Variants in TAF1 observed in about 807,000 individuals in gnomAD.
The protein encoded by TAF1 is transcription initiation factor TFIID subunit 1.
TAF1 carries 2 observed loss-of-function variants against 138.5 expected under a neutral mutation model. That is an observed-to-expected ratio of 0.01 (90% CI 0.01 to 0.05). TAF1 has a LOEUF of 0.05. Ranked by LOEUF, TAF1 falls within the 10% of genes least tolerant of loss-of-function variation. TAF1 has a pLI of 1.00. For synonymous variants in TAF1, 437 were observed against 503.2 expected (o/e 0.87, Z 1.76); for missense variants, 709 against 1,478.0 (o/e 0.48, Z 8.53).
At chrX:71,489,506 G>A (rs923570972) in intron 13 of TAF1, among the ~76,000 whole-genome samples, 5 of 109,791 alleles carry the variant, frequency 4.6e-5, no homozygotes, top group Non-Finnish European at 7.6e-5. Flanking sequence ...GAGAAACCCC[G>A]TCTCTACTGA....
chrX:71,467,411 A>G (rs759500805), downstream of TAF1, among the ~76,000 whole-genome samples: 13 of 111,089 alleles, frequency 1.2e-4, no homozygotes, highest in African/African-American at 3.3e-4. Context: ...CCTGGCTTCC[A>G]ATCCTTTTCT....
At chrX:71,449,957 T>C (rs1161048460) in intron 32 of TAF1, among the ~76,000 whole-genome samples, 1 of 110,617 alleles carries the variant, frequency 9.0e-6, no homozygotes, top group African/African-American at 3.3e-5. Context: ...GTTATTTGTA[T>C]AGACAGAGTT....
At chrX:71,516,046 A>T (rs2039818093) in intron 13 of TAF1, among the ~76,000 whole-genome samples, 1 of 108,902 alleles carries the variant, frequency 9.2e-6, no homozygotes, top group Admixed American at 1.0e-4. Context: ...AGTTTTTTTA[A>T]AATTTATTTT....
intron 28 of TAF1, among the ~76,000 whole-genome samples, chrX:71,417,523 G>GTTTTTGTATT (rs1165845502): frequency 9.1e-6 from 1 of 109,363 alleles, no homozygotes; most frequent in Non-Finnish European, 1.9e-5. Context: ...CACCCAGCTA[G>GTTTTTGTATT]TTTTTGTATT....
chrX:71,524,019 CTTT>C (rs397895424), intron 13 of TAF1, among the ~76,000 whole-genome samples: 1 of 76,374 alleles, frequency 1.3e-5, no homozygotes, highest in Non-Finnish European at 2.6e-5. Flanking sequence ...TGTAATAGTT[CTTT>C]TTTTTTTTTT....
At chrX:71,399,541 C>T (rs1378105063) in intron 24 of TAF1, among the ~76,000 whole-genome samples, 1 of 102,707 alleles carries the variant, frequency 9.7e-6, no homozygotes, top group Admixed American at 1.1e-4. Flanking sequence ...CAGGCATAAG[C>T]CACCACGCCT....
rs761639259 is a variant in TAF1, at chrX:71,406,469, G to T, written c.3999-169G>T. Reference sequence around the variant, plus strand: ...TTTATTAACTTGGAGAGCCTATGAGGGCTTGCCTGATCTGAACCTTAGAAG... The same window carrying T: ...TTTATTAACTTGGAGAGCCTATGAGTGCTTGCCTGATCTGAACCTTAGAAG... On this transcript the variant is annotated intron_variant, in intron 25 of 37. Coordinates refer to ENST00000423759, the MANE Select transcript of TAF1 (RefSeq NM_004606.5). Among the ~76,000 whole-genome samples the T allele has an allele frequency of 3.2e-4, 35 of 110,686 alleles. No homozygotes were observed. The Admixed American group carries it at 3.2e-3, about 10-fold the overall frequency.
In TAF1 at chrX:71,483,803, T is replaced by TATATATATAC. The variant is rs1290090578; in HGVS notation, c.1366+23001_1366+23002insTATATATACA. ...CTCTATATATATATATATATATATA[T>TATATATATAC]ACACACACATCCCTCATTATTTTTT... On this transcript the variant is annotated intron_variant and NMD_transcript_variant, in intron 13 of 14. Transcript: ENST00000373775. Among the ~76,000 whole-genome samples the TATATATATAC allele has an allele frequency of 5.4e-3, 499 of 92,698 alleles. 6 individuals carry two copies. The highest frequency in any genetic ancestry group is 0.018 in the African/African-American group (411 of 23,240). The allele number at this position is 92,698 out of a possible 115,157, so 80.5% of individuals were successfully genotyped here.
At chrX:71,520,068 C>T in intron 13 of TAF1, among the ~76,000 whole-genome samples, 1 of 110,184 alleles carries the variant, frequency 9.1e-6, no homozygotes, top group Non-Finnish European at 1.9e-5. Flanking sequence ...CCCACCTCGG[C>T]CTCCCAAAGT....
At chrX:71,376,666 C>CAA (rs112839503) in intron 4 of TAF1, among the ~76,000 whole-genome samples, 2 of 77,269 alleles carry the variant, frequency 2.6e-5, no homozygotes, top group African/African-American at 4.5e-5. Context: ...GACTCTGTCT[C>CAA]AAAAAAAAAA....
intron 6 of TAF1, 37 bp downstream of exon 6, chrX:71,377,858 G>C (rs1331428166): frequency 8.8e-7 from 1 of 1,137,593 alleles, no homozygotes; most frequent in Non-Finnish European, 1.2e-6. Context: ...AGGCCTATGA[G>C]AGGAACAAAT....
chrX:71,504,181 C>T (rs193293585), intron 13 of TAF1, among the ~76,000 whole-genome samples: 4 of 110,321 alleles, frequency 3.6e-5, no homozygotes, highest in East Asian at 5.7e-4. Flanking sequence ...ATTTCAGACT[C>T]GGATTTCACC....
At chrX:71,506,459 C>T (rs964838344) in intron 13 of TAF1, among the ~76,000 whole-genome samples, 19 of 106,628 alleles carry the variant, frequency 1.8e-4, no homozygotes, top group Non-Finnish European at 5.8e-5. Flanking sequence ...CCGACATGGG[C>T]GGATCATGAG....
At chrX:71,424,384 T>C (rs1412695322) in intron 32 of TAF1, 146 bp downstream of exon 32, 1 of 334,109 alleles carries the variant, frequency 3.0e-6, no homozygotes, top group Non-Finnish European at 5.0e-6. Context: ...CATAGTTCAC[T>C]GAACCAGGCA....
chrX:71,407,562 A>G lies in TAF1; in HGVS notation c.4108-12A>G. On this transcript the variant is annotated splice_polypyrimidine_tract_variant and intron_variant, in intron 26 of 37. Transcript: ENST00000423759. ...GTCTGAGGAAGCATTCTGATTTCAC[A>G]TTTCTCCTTAGAGACCTCATAAGTC... 1 of 1,206,745 alleles carries G rather than the reference A, an allele frequency of 8.3e-7. No individual in the cohort carries two copies. The highest frequency in any genetic ancestry group is 1.1e-6 in the Non-Finnish European group (1 of 891,783).
chrX:71,376,937 T>C lies in TAF1; in HGVS notation c.473-13T>C. On this transcript the variant is annotated splice_polypyrimidine_tract_variant and intron_variant, in intron 4 of 37. Transcript: ENST00000423759. ...CAGTTACATGCCAAAGGGGTTTCTCTTCCTTGTTGCAGTGTCTGAAAATGG... is the reference window on the plus strand; with the variant it reads ...CAGTTACATGCCAAAGGGGTTTCTCCTCCTTGTTGCAGTGTCTGAAAATGG... 8.3e-7 allele frequency: 1 copy of C among 1,209,486 alleles called. No homozygotes were observed. Among genetic ancestry groups the C allele is most frequent in the Non-Finnish European group, 1.1e-6 (1 of 894,342 alleles).
intron 37 of TAF1, among the ~76,000 whole-genome samples, chrX:71,462,306 G>A (rs921082417): frequency 9.4e-6 from 1 of 106,469 alleles, no homozygotes; most frequent in African/African-American, 3.3e-5. Flanking sequence ...AGCCGGGCGC[G>A]GTGGCTCATG....
At chrX:71,393,027 TA>T in intron 20 of TAF1, 33 bp downstream of exon 20, 2 of 1,205,456 alleles carry the variant, frequency 1.7e-6, no homozygotes, top group Non-Finnish European at 2.2e-6. Flanking sequence ...TAGAGTATAC[TA>T]GGGGCTTTGT....
chrX:71,482,592 C>G (rs779859603), intron 13 of TAF1, among the ~76,000 whole-genome samples: 1 of 112,257 alleles, frequency 8.9e-6, no homozygotes, highest in Non-Finnish European at 1.9e-5. Context: ...AATACTTTAT[C>G]GCTAAAAAAA....
Sources: allele counts gnomAD v4.1 joint callset (sites outside exome capture counted in the v4.1 genomes callset), GRCh38; gene constraint gnomAD v4.1.1; transcripts MANE v1.5; gene names NCBI Gene and HGNC (gene_info 2026-07-23, HGNC 2026-07-21).